Variants in PRR16 observed in about 807,000 individuals in gnomAD.
PRR16 encodes proline rich 16.
A neutral mutation model predicts 18.2 loss-of-function variants in PRR16; 6 were observed. The ratio of observed to expected loss-of-function variants is 0.33; its 90% CI spans 0.18 to 0.65. The LOEUF (loss-of-function observed/expected upper bound fraction) is 0.65. Among genes scored for constraint, PRR16 ranks in the 30% least tolerant of loss-of-function variants. The pLI is 0.74. For synonymous variants in PRR16, 151 were observed against 147.8 expected, an observed-to-expected ratio of 1.02 and a Z score of -0.16; for missense variants, 412 against 376.6, an observed-to-expected ratio of 1.09 and a Z score of -0.78.
At chr5:120,719,862 CAT>C in the PRR16 span, among the ~76,000 whole-genome samples, 2 of 151,920 alleles carry the variant, frequency 1.3e-5, no homozygotes, top group African/African-American at 4.8e-5. Flanking sequence ...GTGAGAATGA[CAT>C]GTGTTATATC....
the PRR16 span, among the ~76,000 whole-genome samples, chr5:120,725,339 C>A: frequency 1.3e-5 from 2 of 148,862 alleles, no homozygotes; most frequent in African/African-American, 5.0e-5. Flanking sequence ...AGACTTAACC[C>A]AGAATCTGAC....
At chr5:120,664,870 G>T (rs1174165817) in intron 1 of PRR16, among the ~76,000 whole-genome samples, 2 of 150,756 alleles carry the variant, frequency 1.3e-5, no homozygotes, top group Non-Finnish European at 1.5e-5. Context: ...TGGACATTTG[G>T]GTTGGTTCCA....
the PRR16 span, among the ~76,000 whole-genome samples, chr5:120,791,584 C>CTATCT: frequency 1.3e-4 from 17 of 127,390 alleles, no homozygotes; most frequent in Admixed American, 1.2e-3. Context: ...GAACTTCTAT[C>CTATCT]ATCTATCTAT....
intron 1 of PRR16, among the ~76,000 whole-genome samples, chr5:120,534,894 T>G (rs2112672439): frequency 6.6e-6 from 1 of 152,294 alleles, no homozygotes; most frequent in African/African-American, 2.4e-5. Flanking sequence ...TCTTGGTAGT[T>G]GAAGTGTTTA....
chr5:120,714,620 C>T, the PRR16 span, among the ~76,000 whole-genome samples: 25 of 152,058 alleles, frequency 1.6e-4, no homozygotes, highest in Admixed American at 8.5e-4. Context: ...GCTATTTGAT[C>T]CAGCAATTCC....
chr5:120,599,765 C>T (rs780073859), intron 1 of PRR16, among the ~76,000 whole-genome samples: 3 of 151,870 alleles, frequency 2.0e-5, no homozygotes, highest in Non-Finnish European at 4.4e-5. Context: ...TCTAGCCCAG[C>T]GTCTTTCAGT....
the PRR16 span, among the ~76,000 whole-genome samples, chr5:120,787,224 A>C: frequency 6.6e-6 from 1 of 152,150 alleles, no homozygotes; most frequent in South Asian, 2.1e-4. Flanking sequence ...AATGTGGTTT[A>C]AAAATTTGTG....
chr5:120,762,285 T>C, the PRR16 span, among the ~76,000 whole-genome samples: 1 of 152,132 alleles, frequency 6.6e-6, no homozygotes, highest in African/African-American at 2.4e-5. Flanking sequence ...TTTAAAGAAA[T>C]CTCCATACTG....
In PRR16 at chr5:120,537,113, T is replaced by C. The variant is rs185741500; in HGVS notation, c.159+72468T>C. 3.0e-3 allele frequency among the ~76,000 whole-genome samples: 455 copies of C among 152,198 alleles called. 1 individual carries two copies. The highest frequency in any genetic ancestry group is 0.01 in the African/African-American group (429 of 41,476). On this transcript the variant is annotated intron_variant, in intron 1 of 1. Transcript: ENST00000407149. Reference sequence around the variant, plus strand: ...GGTACTAGGCTTAATACCTGGGTCATGGAATAATCTGTACAACAAACCCTC... The same window carrying C: ...GGTACTAGGCTTAATACCTGGGTCACGGAATAATCTGTACAACAAACCCTC...
At chr5:120,777,189 A>T in the PRR16 span, among the ~76,000 whole-genome samples, 2 of 152,096 alleles carry the variant, frequency 1.3e-5, no homozygotes, top group African/African-American at 4.8e-5. Flanking sequence ...CATCAAGTTT[A>T]ATAACTTTAA....
the PRR16 span, among the ~76,000 whole-genome samples, chr5:120,698,907 A>G: frequency 6.6e-6 from 1 of 152,150 alleles, no homozygotes; most frequent in African/African-American, 2.4e-5. Context: ...TGACTAATAA[A>G]GGCTGGTCTG....
chr5:120,638,288 T>C (rs1459860726), intron 1 of PRR16, among the ~76,000 whole-genome samples: 1 of 152,098 alleles, frequency 6.6e-6, no homozygotes, highest in East Asian at 1.9e-4. Flanking sequence ...GCCCAACCTA[T>C]ATAGAAATGG....
At chr5:120,698,148 C>T in the PRR16 span, among the ~76,000 whole-genome samples, 30 of 152,092 alleles carry the variant, frequency 2.0e-4, no homozygotes, top group African/African-American at 7.2e-4. Context: ...CGATGTTTCT[C>T]AGGGCTGCTT....
At chr5:120,519,037 C>T (rs982096696) in intron 1 of PRR16, among the ~76,000 whole-genome samples, 1 of 151,950 alleles carries the variant, frequency 6.6e-6, no homozygotes, top group Admixed American at 6.6e-5. Flanking sequence ...GATAAATAAG[C>T]CTACGATTGA....
At chr5:120,532,479 TAATTA>T (rs572959247) in intron 1 of PRR16, among the ~76,000 whole-genome samples, 210 of 152,168 alleles carry the variant, frequency 1.4e-3, no homozygotes, top group African/African-American at 4.7e-3. Context: ...TTTATAGAGA[TAATTA>T]AATTAATTAG....
chr5:120,646,500 C>A (rs1165782559), intron 1 of PRR16, among the ~76,000 whole-genome samples: 4 of 151,738 alleles, frequency 2.6e-5, no homozygotes, highest in African/African-American at 9.7e-5. Context: ...AATCTCCAGG[C>A]AAGTATAGTA....
rs145095928 is a variant in PRR16 at position 120,530,015 on chromosome 5, T to C, written c.159+65370T>C. Among the ~76,000 whole-genome samples the C allele has an allele frequency of 3.4e-3, 519 of 151,398 alleles. 1 individual carries two copies. The highest frequency in any genetic ancestry group is 0.012 in the African/African-American group (482 of 41,350). Reference sequence around the variant, plus strand: ...AAAAAGAAAGTGTGTTGTAACATATTTGTTTCACTTTTTATGAAGTTTATA... The same window carrying C: ...AAAAAGAAAGTGTGTTGTAACATATCTGTTTCACTTTTTATGAAGTTTATA... On this transcript the variant is annotated intron_variant, in intron 1 of 1. Coordinates refer to ENST00000407149, the MANE Select transcript of PRR16 (RefSeq NM_001300783.2).
intron 1 of PRR16, among the ~76,000 whole-genome samples, chr5:120,487,792 G>A (rs535192940): frequency 3.3e-5 from 5 of 152,242 alleles, no homozygotes; most frequent in African/African-American, 9.6e-5. Context: ...GTTTGTCATA[G>A]ATAGCTCTTA....
chr5:120,495,518 G>A (rs1750215492), intron 1 of PRR16, among the ~76,000 whole-genome samples: 2 of 152,046 alleles, frequency 1.3e-5, no homozygotes, highest in African/African-American at 4.8e-5. Flanking sequence ...ATTCAAAATA[G>A]TGCTCAGCAC....
Sources: gnomAD v4.1 joint callset for allele counts (sites outside exome capture counted in the v4.1 genomes callset) on GRCh38, gnomAD v4.1.1 for gene constraint, MANE v1.5 for transcripts, NCBI Gene and HGNC (gene_info 2026-07-23, HGNC 2026-07-21) for gene names.